IL13RA1: variants seen among roughly 807,000 people sequenced by gnomAD.
IL13RA1 encodes interleukin 13 receptor subunit alpha 1.
Under a neutral mutation model 33.8 loss-of-function variants are expected in IL13RA1, and 14 were observed. The observed-to-expected ratio is 0.41, with a 90% CI of 0.27 to 0.65. The LOEUF (loss-of-function observed/expected upper bound fraction) is 0.65. Among genes scored for constraint, IL13RA1 ranks in the 30% least tolerant of loss-of-function variants. The pLI is 0.28. For synonymous variants in IL13RA1, 116 were observed against 115.7 expected, an observed-to-expected ratio of 1.00 and a Z score of -0.02; for missense variants, 313 against 327.0, an observed-to-expected ratio of 0.96 and a Z score of 0.33.
At position 118,755,384 on chromosome X, in the gene IL13RA1, A is replaced by ATT. The variant is rs61662256; in HGVS notation, c.489-2658_489-2657dup. On this transcript the variant is annotated intron_variant, in intron 4 of 10. Transcript: ENST00000371666. Reference sequence around the variant, plus strand: ...CTAGTCATGCCAGCGAATTTTAGGGATTTTTTTTTTTTTTACCACATTAAT... The same window carrying ATT: ...CTAGTCATGCCAGCGAATTTTAGGGATTTTTTTTTTTTTTTTACCACATTAAT... Among the ~76,000 whole-genome samples, 388 of 101,450 alleles carry ATT rather than the reference A, an allele frequency of 3.8e-3. 1 individual carries two copies. Among genetic ancestry groups the ATT allele is most frequent in the African/African-American group, 0.013 (368 of 27,985 alleles). 88.1% of individuals were successfully genotyped at this position (101,450 alleles called of 115,157 possible). A position where few individuals can be genotyped will look rare whatever the true frequency, so the allele number is the denominator to read the frequency against.
chrX:118,757,620 C>T (rs1486365251), intron 4 of IL13RA1, among the ~76,000 whole-genome samples: 1 of 95,164 alleles, frequency 1.1e-5, no homozygotes. Context: ...AAAAAGTTAT[C>T]TTGCCCATTG....
intron 10 of IL13RA1, among the ~76,000 whole-genome samples, chrX:118,783,813 C>CT (rs1242156990): frequency 1.7e-3 from 172 of 99,637 alleles, no homozygotes; most frequent in Middle Eastern, 1.0e-2. Flanking sequence ...TAAATTAAAA[C>CT]TTTTTTTTTT....
At chrX:118,791,722 A>G (rs1353773701) in intron 10 of IL13RA1, 40 bp from the exon 11 acceptor site, 1 of 602,280 alleles carries the variant, frequency 1.7e-6, no homozygotes, top group Non-Finnish European at 2.8e-6. Flanking sequence ...AACACTGTTT[A>G]GATATGTCAT....
At position 118,739,314 on chromosome X, in the gene IL13RA1, A is replaced by G. The variant is rs1488645567; in HGVS notation, c.89-1703A>G. ...AAAATTGACTGTTAGAGAAACCTCA[A>G]CTACAGAGTGTCTGTGAGTTTGATG... On this transcript the variant is annotated intron_variant, in intron 1 of 10. Coordinates refer to ENST00000371666, the MANE Select transcript of IL13RA1 (RefSeq NM_001560.3). 2.7e-5 allele frequency among the ~76,000 whole-genome samples: 3 copies of G among 111,893 alleles called. No individual in the cohort carries two copies. In the East Asian group the frequency reaches 8.3e-4, roughly 31 times the overall value.
chrX:118,749,870 A>G (rs2017451600), intron 4 of IL13RA1, 92 bp downstream of exon 4: 1 of 595,548 alleles, frequency 1.7e-6, no homozygotes, highest in African/African-American at 2.2e-5. Flanking sequence ...AGAACTGTTT[A>G]ATTTTTTCTG....
chrX:118,761,372 C>T (rs1447449293), intron 6 of IL13RA1, 83 bp downstream of exon 6: 2 of 459,512 alleles, frequency 4.4e-6, no homozygotes, highest in Non-Finnish European at 7.2e-6. Flanking sequence ...TGAAACATAG[C>T]TCTTACATTT....
At chrX:118,741,769 T>G (rs1339071071) in intron 2 of IL13RA1, among the ~76,000 whole-genome samples, 1 of 111,848 alleles carries the variant, frequency 8.9e-6, no homozygotes, top group African/African-American at 3.3e-5. Flanking sequence ...TTTCAAAATC[T>G]TTTTATACCT....
At chrX:118,747,346 TGCAC>T (rs1407737824) in intron 3 of IL13RA1, among the ~76,000 whole-genome samples, 1 of 109,622 alleles carries the variant, frequency 9.1e-6, no homozygotes, top group Non-Finnish European at 1.9e-5. Context: ...GATATACACA[TGCAC>T]GCGCGCGCAC....
In IL13RA1 at chrX:118,788,936, G is replaced by A. The variant is rs139153941; in HGVS notation, c.1192-2826G>A. ...CAAATCTGAAACTTTCTAACATGAC[G>A]TTCAAAGGAAATGTTCATTGCAACA... On this transcript the variant is annotated intron_variant, in intron 10 of 10. Coordinates refer to ENST00000371666, the MANE Select transcript of IL13RA1 (RefSeq NM_001560.3). Among the ~76,000 whole-genome samples the A allele has an allele frequency of 2.3e-3, 257 of 111,624 alleles. 1 individual carries two copies. The highest frequency in any genetic ancestry group is 8.0e-3 in the African/African-American group (246 of 30,787).
At chrX:118,772,669 G>T (rs1331434497) in intron 8 of IL13RA1, among the ~76,000 whole-genome samples, 3 of 112,299 alleles carry the variant, frequency 2.7e-5, no homozygotes, top group Non-Finnish European at 5.6e-5. Flanking sequence ...TTGTCAGACA[G>T]AATTCTTCAG....
intron 3 of IL13RA1, 68 bp from the exon 4 acceptor site, chrX:118,749,590 A>G: frequency 9.4e-7 from 1 of 1,068,377 alleles, no homozygotes; most frequent in Non-Finnish European, 1.3e-6. Context: ...TCCCCATGCC[A>G]AAGAGTGATT....
chrX:118,768,983 C>A (rs1349496227), intron 8 of IL13RA1, among the ~76,000 whole-genome samples: 1 of 112,570 alleles, frequency 8.9e-6, no homozygotes, highest in Non-Finnish European at 1.9e-5. Flanking sequence ...AGGGCTACTT[C>A]CTGACATGGA....
intron 1 of IL13RA1, among the ~76,000 whole-genome samples, chrX:118,732,265 T>C (rs1224046567): frequency 9.0e-6 from 1 of 111,063 alleles, no homozygotes; most frequent in African/African-American, 3.3e-5. Context: ...CTCTATGATT[T>C]TGACTACTCT....
At chrX:118,788,001 A>T (rs1377112770) in intron 10 of IL13RA1, among the ~76,000 whole-genome samples, 1 of 112,151 alleles carries the variant, frequency 8.9e-6, no homozygotes, top group East Asian at 2.8e-4. Flanking sequence ...AAGTAAAGAT[A>T]GGCATAGGAA....
At chrX:118,742,494 T>C (rs1166303117) in intron 2 of IL13RA1, among the ~76,000 whole-genome samples, 1 of 112,435 alleles carries the variant, frequency 8.9e-6, no homozygotes, top group African/African-American at 3.2e-5. Flanking sequence ...GAGCAGAGGT[T>C]GCTTTTCAGG....
chrX:118,756,083 T>C (rs1327644853), intron 4 of IL13RA1, among the ~76,000 whole-genome samples: 2 of 111,222 alleles, frequency 1.8e-5, no homozygotes, highest in South Asian at 3.8e-4. Flanking sequence ...TCCTAGGTCC[T>C]GGCAAAACCT....
At chrX:118,800,853 C>T in the IL13RA1 span, among the ~76,000 whole-genome samples, 1 of 111,828 alleles carries the variant, frequency 8.9e-6, no homozygotes, top group Admixed American at 9.4e-5. Context: ...GTAATGCGAG[C>T]TCGGCTCACT....
intron 6 of IL13RA1, among the ~76,000 whole-genome samples, chrX:118,762,934 C>G (rs1569456921): frequency 1.8e-5 from 2 of 111,810 alleles, no homozygotes; most frequent in Non-Finnish European, 3.8e-5. Context: ...TACAGAAAAC[C>G]AAATGCCACA....
chrX:118,787,410 A>G (rs1374080225), intron 10 of IL13RA1, among the ~76,000 whole-genome samples: 2 of 111,177 alleles, frequency 1.8e-5, no homozygotes, highest in Non-Finnish European at 3.8e-5. Flanking sequence ...TCACAAGGCA[A>G]ATGGGCAGGG....
Sources: gnomAD v4.1 joint callset for allele counts (sites outside exome capture counted in the v4.1 genomes callset) on GRCh38, gnomAD v4.1.1 for gene constraint, MANE v1.5 for transcripts, NCBI Gene and HGNC (gene_info 2026-07-23, HGNC 2026-07-21) for gene names.